Variants in KCNMA1 observed in about 807,000 individuals in gnomAD.
KCNMA1 encodes potassium calcium-activated channel subfamily M alpha 1.
Under a neutral mutation model 140.0 loss-of-function variants are expected in KCNMA1, and 29 were observed. The observed-to-expected ratio is 0.21, with a 90% CI of 0.15 to 0.28. The LOEUF is 0.28. Among genes scored for constraint, KCNMA1 ranks in the 10% least tolerant of loss-of-function variants. The pLI is 1.00. For missense variants in KCNMA1, 880 were observed against 1,602.2 expected, an observed-to-expected ratio of 0.55 and a Z score of 7.70; for synonymous variants, 612 against 611.9, an observed-to-expected ratio of 1.00 and a Z score of 0.00.
At position 77,099,763 on chromosome 10, in the gene KCNMA1, G is replaced by A. The variant is rs118011750; in HGVS notation, c.1223+8718C>T. ...AAAAAGTAAAAAGAAGGCATGATACGAGGCATGACAGGCCACAGCAGGACC... is the reference window on the plus strand; with the variant it reads ...AAAAAGTAAAAAGAAGGCATGATACAAGGCATGACAGGCCACAGCAGGACC... On this transcript the variant is annotated intron_variant, in intron 9 of 27. Coordinates refer to ENST00000286628, the MANE Select transcript of KCNMA1 (RefSeq NM_001161352.2). Among the ~76,000 whole-genome samples the A allele has an allele frequency of 8.3e-3, 1,267 of 151,752 alleles. 11 individuals carry two copies. Among genetic ancestry groups the A allele is most frequent in the Middle Eastern group, 0.031 (9 of 290 alleles).
intron 2 of KCNMA1, among the ~76,000 whole-genome samples, chr10:77,390,885 G>A (rs886177547): frequency 2.6e-5 from 4 of 152,066 alleles, no homozygotes; most frequent in African/African-American, 9.7e-5. Flanking sequence ...TTTAGTGTAA[G>A]CAAAGGCTGC....
In KCNMA1 at chr10:77,599,725, CT is replaced by C. The variant is rs376921979; in HGVS notation, c.378+37539del. On this transcript the variant is annotated intron_variant, in intron 1 of 27. Coordinates refer to ENST00000286628, the MANE Select transcript of KCNMA1 (RefSeq NM_001161352.2). Reference sequence around the variant, plus strand: ...GAGAGATCATTACATGATTGTTCTCCTTTGTTTTAATAGAGGTCTGCAAAAC... The same window carrying C: ...GAGAGATCATTACATGATTGTTCTCCTTGTTTTAATAGAGGTCTGCAAAAC... 1.4e-3 allele frequency among the ~76,000 whole-genome samples: 218 copies of C among 152,278 alleles called. 10 individuals carry two copies. In the South Asian group the frequency reaches 0.042, roughly 30 times the overall value.
At chr10:77,214,633 C>A (rs1228986704) in intron 3 of KCNMA1, among the ~76,000 whole-genome samples, 1 of 152,200 alleles carries the variant, frequency 6.6e-6, no homozygotes, top group Non-Finnish European at 1.5e-5. Flanking sequence ...GGCCCTCCCT[C>A]CACTCACTAG....
intron 2 of KCNMA1, among the ~76,000 whole-genome samples, chr10:77,344,143 T>G (rs1422258621): frequency 6.6e-6 from 1 of 152,096 alleles, no homozygotes; most frequent in Non-Finnish European, 1.5e-5. Context: ...ATGCTGGAAA[T>G]TTACAGGAGC....
intron 1 of KCNMA1, chr10:77,636,185 G>T: frequency 1.4e-6 from 2 of 1,422,934 alleles, no homozygotes; most frequent in Non-Finnish European, 1.8e-6. Context: ...AAAGAAGGCA[G>T]CTGGCTCACT....
At chr10:77,292,965 G>C (rs1019049024) in intron 2 of KCNMA1, among the ~76,000 whole-genome samples, 1 of 152,184 alleles carries the variant, frequency 6.6e-6, no homozygotes, top group African/African-American at 2.4e-5. Flanking sequence ...AGCTATATCA[G>C]CTGGTAAGGG....
At position 77,589,936 on chromosome 10, in the gene KCNMA1, T is replaced by C. The variant is rs11002214; in HGVS notation, c.378+47329A>G. Among the ~76,000 whole-genome samples the C allele has an allele frequency of 6.7e-3, 1,015 of 152,244 alleles. 19 individuals are homozygous for C. Among genetic ancestry groups the C allele is most frequent in the Non-Finnish European group, 9.4e-3 (640 of 68,020 alleles). ...GCCCCACCCACATCTTGCTGATTGGTCCATTTTACAGAGAGCCAAGTGGTC... is the reference window on the plus strand; with the variant it reads ...GCCCCACCCACATCTTGCTGATTGGCCCATTTTACAGAGAGCCAAGTGGTC... On this transcript the variant is annotated intron_variant, in intron 1 of 27. Coordinates refer to ENST00000286628, the MANE Select transcript of KCNMA1 (RefSeq NM_001161352.2).
chr10:77,319,389 A>G (rs911310208), intron 2 of KCNMA1, among the ~76,000 whole-genome samples: 1 of 152,188 alleles, frequency 6.6e-6, no homozygotes, highest in African/African-American at 2.4e-5. Context: ...GCTCTAACAG[A>G]TTTTGAGTTT....
chr10:76,918,753 G>A (rs1355206100), intron 23 of KCNMA1, among the ~76,000 whole-genome samples: 1 of 152,058 alleles, frequency 6.6e-6, no homozygotes, highest in Middle Eastern at 3.2e-3. Context: ...CTACCCAGAG[G>A]AAAAGAAGTC....
intron 1 of KCNMA1, among the ~76,000 whole-genome samples, chr10:77,506,402 C>A (rs751646206): frequency 1.7e-4 from 26 of 152,052 alleles, no homozygotes; most frequent in Non-Finnish European, 3.4e-4. Flanking sequence ...CTTCAAGGAG[C>A]CTTGTTGGCT....
chr10:77,025,240 G>GTATATATA (rs1384161555), intron 16 of KCNMA1, among the ~76,000 whole-genome samples: 1,505 of 64,676 alleles, frequency 0.023, 31 homozygotes, highest in East Asian at 0.028. Context: ...AGGGGTGTGT[G>GTATATATA]TGTATATATA....
chr10:77,071,621 G>A (rs1160114159), intron 14 of KCNMA1: 1 of 152,134 alleles, frequency 6.6e-6, no homozygotes, highest in Non-Finnish European at 1.5e-5. Flanking sequence ...TGCAGGATGA[G>A]AGCAGCCTGG....
At chr10:76,934,636 G>A (rs1455867222) in intron 23 of KCNMA1, among the ~76,000 whole-genome samples, 1 of 152,210 alleles carries the variant, frequency 6.6e-6, no homozygotes, top group Non-Finnish European at 1.5e-5. Flanking sequence ...GGAGACAACA[G>A]GGGCACTAAC....
intron 1 of KCNMA1, among the ~76,000 whole-genome samples, chr10:77,485,527 AC>A: frequency 6.6e-6 from 1 of 152,254 alleles, no homozygotes; most frequent in East Asian, 1.9e-4. Flanking sequence ...ACACAGGCTG[AC>A]CCTCCAAGAC....
intron 3 of KCNMA1, among the ~76,000 whole-genome samples, chr10:77,221,459 AC>A (rs112242417): frequency 9.9e-5 from 15 of 152,084 alleles, no homozygotes; most frequent in African/African-American, 3.6e-4. Context: ...AATAAGACCT[AC>A]TATTTGATAG....
At chr10:77,090,019 C>T (rs765758251) in intron 10 of KCNMA1, among the ~76,000 whole-genome samples, 1 of 152,178 alleles carries the variant, frequency 6.6e-6, no homozygotes, top group Non-Finnish European at 1.5e-5. Flanking sequence ...GACTCCAGAA[C>T]TCCTAACGTA....
intron 1 of KCNMA1, among the ~76,000 whole-genome samples, chr10:77,529,537 A>G (rs372000413): frequency 6.6e-6 from 1 of 152,042 alleles, no homozygotes; most frequent in East Asian, 1.9e-4. Flanking sequence ...CTTCCATGCA[A>G]GGGCCAGATC....
intron 1 of KCNMA1, among the ~76,000 whole-genome samples, chr10:77,451,309 T>A (rs2097652924): frequency 6.6e-6 from 1 of 152,104 alleles, no homozygotes; most frequent in South Asian, 2.1e-4. Flanking sequence ...ACAAAGGCCA[T>A]CGGGCAGATA....
At chr10:77,083,283 T>G (rs188265391) in intron 12 of KCNMA1, among the ~76,000 whole-genome samples, 15 of 152,288 alleles carry the variant, frequency 9.8e-5, no homozygotes, top group Non-Finnish European at 1.8e-4. Context: ...TCTAACTACC[T>G]GGAGCAAAAT....
Sources: gnomAD v4.1 joint callset for allele counts (sites outside exome capture counted in the v4.1 genomes callset) on GRCh38, gnomAD v4.1.1 for gene constraint, MANE v1.5 for transcripts, NCBI Gene and HGNC (gene_info 2026-07-23, HGNC 2026-07-21) for gene names.